The following NRAP variants were observed in gnomAD, a reference collection of about 807,000 sequenced individuals.
The protein encoded by NRAP is nebulin-related-anchoring protein.
Under a neutral mutation model 225.9 loss-of-function variants are expected in NRAP, and 189 were observed. The ratio of observed to expected loss-of-function variants is 0.84; its 90% confidence interval spans 0.74 to 0.94. The LOEUF (loss-of-function observed/expected upper bound fraction) is 0.94. Ranked by LOEUF, NRAP falls within the 40% of genes least tolerant of loss-of-function variation. The pLI, the probability that NRAP is intolerant of heterozygous loss-of-function variation, is 0.00. For missense variants in NRAP, 2,176 were observed against 2,168.7 expected, an observed-to-expected ratio of 1.00 and a Z score of -0.07; for synonymous variants, 769 against 790.7, an observed-to-expected ratio of 0.97 and a Z score of 0.46.
rs879150229 is a variant in NRAP at position 113,598,073 on chromosome 10, A to G, written c.4228T>C (p.Leu1410=). The G allele has an allele frequency of 3.1e-6, 5 of 1,604,270 alleles. No homozygotes were observed. The highest frequency in any genetic ancestry group is 4.3e-6 in the Non-Finnish European group (5 of 1,171,526). ...AKKAHALQSE[L]RYKSDLIGMK... Reference sequence around the variant, plus strand: ...CCGATCAGGTCTGACTTGTAGCGCAACTGCAGGGAAAAAAATCATGGGCTT... The same window carrying G: ...CCGATCAGGTCTGACTTGTAGCGCAGCTGCAGGGAAAAAAATCATGGGCTT... The change falls in exon 36 of 42, where the codon TTG becomes CTG. Residue 1410 remains leucine (L), a splice_region_variant and synonymous_variant. Coordinates refer to ENST00000359988, the MANE Select transcript of NRAP (RefSeq NM_198060.4).
chr10:113,615,175 T>C (rs1182417304), intron 27 of NRAP, among the ~76,000 whole-genome samples: 1 of 151,812 alleles, frequency 6.6e-6, no homozygotes, highest in Admixed American at 6.6e-5. Flanking sequence ...GGTTGAGGCA[T>C]AGAGGGGAGA....
At chr10:113,612,108 A>G (rs1847365169) in intron 30 of NRAP, 126 bp downstream of exon 30, 1 of 710,814 alleles carries the variant, frequency 1.4e-6, no homozygotes, top group South Asian at 1.8e-5. Flanking sequence ...CTGGGTTTCA[A>G]AATAAGACTT....
intron 6 of NRAP, 104 bp downstream of exon 6, chr10:113,652,831 T>C (rs1850061825): frequency 4.0e-6 from 3 of 749,348 alleles, no homozygotes; most frequent in Admixed American, 2.4e-5. Flanking sequence ...TAATGGTACC[T>C]ACTTCCCCAA....
At position 113,657,891 on chromosome 10, in the gene NRAP, T is replaced by C. The variant is rs75031603; in HGVS notation, c.256-317A>G. 7.6e-3 allele frequency among the ~76,000 whole-genome samples: 1,159 copies of C among 152,346 alleles called. 16 individuals are homozygous for C. Among genetic ancestry groups the C allele is most frequent in the African/African-American group, 0.026 (1,074 of 41,574 alleles). ...CAGAAAACATTGGGCATTAGAGTAC[T>C]GGTTCTTAATTTTAGTCATGTAACC... On this transcript the variant is annotated intron_variant, in intron 3 of 41. Coordinates refer to ENST00000359988, the MANE Select transcript of NRAP (RefSeq NM_198060.4).
At chr10:113,605,629 T>C in intron 34 of NRAP, 133 bp downstream of exon 34, 2 of 673,536 alleles carry the variant, frequency 3.0e-6, no homozygotes, top group South Asian at 3.6e-5. Context: ...TCATAACTAA[T>C]ATATTCTGCA....
chr10:113,590,469 T>C (rs975846833), intron 40 of NRAP, 109 bp downstream of exon 40: 1 of 1,089,844 alleles, frequency 9.2e-7, no homozygotes, highest in Non-Finnish European at 1.3e-6. Context: ...TTGGATTCTC[T>C]CTCAGCCCAG....
chr10:113,621,888 G>A lies in NRAP; in HGVS notation c.2750C>T (p.Ala917Val). 6.2e-7 allele frequency: 1 copy of A among 1,612,152 alleles called. No individual in the cohort carries two copies. The highest frequency in any genetic ancestry group is 8.5e-7 in the Non-Finnish European group (1 of 1,178,424). ...GCTTACATCACTCTGTAAGCCATAA[G>A]CCTTCTTGGCCCATTCCACCTTCAT... Reference protein sequence around the residue: ...TDMKVEWAKKAYGLQSDNQYR... With the variant: ...TDMKVEWAKKVYGLQSDNQYR... The change falls in exon 24 of 42, where the codon GCT (alanine) becomes GTT (valine). Residue 917 changes from alanine to valine, a missense_variant. By Grantham distance (64) the Ala-to-Val change is moderately conservative (BLOSUM62 0). Around this residue, in one of 3 missense-constraint regions of NRAP, gnomAD observed 1,708 missense variants for 1,695.5 expected, o/e 1.01. Transcript: ENST00000359988.
chr10:113,623,568 G>A lies in NRAP; in HGVS notation c.2418C>T (p.Thr806=), dbSNP rs144174639. 1 of 1,613,696 alleles carries A rather than the reference G, an allele frequency of 6.2e-7. No individual in the cohort carries two copies. Among genetic ancestry groups the A allele is most frequent in the Admixed American group, 1.7e-5 (1 of 59,994 alleles). Residue 806 remains threonine, a synonymous_variant, in exon 23 of 42, where the codon ACC becomes ACT. Transcript: ENST00000359988. The stretch of plus-strand genomic sequence containing the variant: ...CCCTCTTGGCTTTGGCTGCCAGGAA[G>A]GTCAAGGAATCAAGACGCAGCTCAA... ...KGFELRLDSL[T]FLAAKAKRDL...
chr10:113,594,315 G>C (rs1254657417), intron 38 of NRAP, among the ~76,000 whole-genome samples: 1 of 152,192 alleles, frequency 6.6e-6, no homozygotes. Context: ...TTTCAAAAGA[G>C]GTTCATGAGT....
intron 25 of NRAP, among the ~76,000 whole-genome samples, 161 bp downstream of exon 25, chr10:113,620,443 C>A (rs907911757): frequency 1.3e-5 from 2 of 152,132 alleles, no homozygotes; most frequent in South Asian, 4.1e-4. Context: ...GTGTTTCGTA[C>A]GTGGTTTCCC....
intron 14 of NRAP, among the ~76,000 whole-genome samples, chr10:113,635,903 C>T (rs1247102417): frequency 2.0e-5 from 3 of 152,192 alleles, no homozygotes; most frequent in Non-Finnish European, 2.9e-5. Flanking sequence ...GCAGAGTGAG[C>T]AAACTCAGAC....
chr10:113,590,674 ACTGGCCAGCTGCTGGCTCCT>A lies in NRAP; in HGVS notation c.4840_4859del (p.Arg1614Ter). On this transcript the variant is annotated frameshift_variant, in exon 40 of 42. Transcript: ENST00000359988. LOFTEE classifies it high-confidence loss of function. The stretch of plus-strand genomic sequence containing the variant: ...GCAGGGGCTGCCTGTAGTGCACATC[ACTGGCCAGCTGCTGGCTCCT>A]CTTGGCCTGAAGGAGGCCGGGCTGG... 6.2e-7 allele frequency: 1 copy of A among 1,614,152 alleles called. No homozygotes were observed. The highest frequency in any genetic ancestry group is 8.5e-7 in the Non-Finnish European group (1 of 1,180,020).
At chr10:113,629,077 A>G in intron 19 of NRAP, 56 bp from the exon 20 acceptor site, 1 of 1,186,182 alleles carries the variant, frequency 8.4e-7, no homozygotes. Context: ...GACAGGACAA[A>G]GTTGATGGGA....
chr10:113,663,705 C>T (rs1160398851), intron 1 of NRAP, 106 bp downstream of exon 1: 7 of 849,318 alleles, frequency 8.2e-6, no homozygotes, highest in South Asian at 4.5e-5. Context: ...TGGTTCAAAA[C>T]AATTTAACTG....
At chr10:113,643,505 A>C (rs1849328407) in intron 11 of NRAP, among the ~76,000 whole-genome samples, 1 of 152,234 alleles carries the variant, frequency 6.6e-6, no homozygotes. Context: ...GCACATCTTT[A>C]TAGGTATACT....
At chr10:113,601,301 A>AAG (rs1846585833) in intron 35 of NRAP, among the ~76,000 whole-genome samples, 1 of 152,026 alleles carries the variant, frequency 6.6e-6, no homozygotes, top group Non-Finnish European at 1.5e-5. Context: ...GGGAGGGCAA[A>AAG]GTCAGGAGAA....
In NRAP at chr10:113,658,863, C is replaced by A. The variant is rs1467663789; in HGVS notation, c.256-1289G>T. ...CACCACTGCACTCCAGCCTGGGCAA[C>A]AGAGTGAGACCCTGTCTCAAAAAAA... On this transcript the variant is annotated intron_variant, in intron 3 of 41. Transcript: ENST00000359988. Among the ~76,000 whole-genome samples the A allele has an allele frequency of 8.5e-5, 11 of 130,096 alleles. No homozygotes were observed. In the South Asian group the frequency reaches 2.2e-3, roughly 26 times the overall value. 85.3% of individuals were successfully genotyped at this position (130,096 alleles called of 152,430 possible).
At chr10:113,662,642 C>T (rs952393238) in intron 3 of NRAP, 37 bp downstream of exon 3, 1 of 1,070,284 alleles carries the variant, frequency 9.3e-7, no homozygotes, top group African/African-American at 1.6e-5. Flanking sequence ...CAATCATTCT[C>T]CATACCCTCC....
chr10:113,629,518 T>TTCATGCACTCA, intron 19 of NRAP, 70 bp downstream of exon 19: 2 of 1,112,844 alleles, frequency 1.8e-6, no homozygotes, highest in Admixed American at 3.4e-5. Context: ...GTGCACAGGT[T>TTCATGCACTCA]TGAAATCACT....
Sources: gnomAD v4.1 joint callset for allele counts (sites outside exome capture counted in the v4.1 genomes callset) on GRCh38, gnomAD v4.1.1 for gene constraint, gnomAD v4.1.1 regional missense constraint, MANE v1.5 for transcripts, NCBI Gene and HGNC (gene_info 2026-07-23, HGNC 2026-07-21) for gene names.